CEP63: variants seen among roughly 807,000 people sequenced by gnomAD.
CEP63 encodes centrosomal protein 63.
Under a neutral mutation model 89.1 loss-of-function variants are expected in CEP63, and 84 were observed. The ratio of observed to expected loss-of-function variants is 0.94; its 90% CI spans 0.79 to 1.13. CEP63 has a LOEUF of 1.13. CEP63 is among the 50% of genes most tolerant of loss of function. The probability of loss-of-function intolerance (pLI) is 0.00; values close to 1 mark genes in which losing one functional copy is unlikely to be tolerated. For synonymous variants in CEP63, 267 were observed against 272.5 expected, an observed-to-expected ratio of 0.98 and a Z score of 0.20; for missense variants, 838 against 813.3, an observed-to-expected ratio of 1.03 and a Z score of -0.37.
chr3:134,566,749 A>G (rs746814959), downstream of CEP63, among the ~76,000 whole-genome samples: 3 of 152,060 alleles, frequency 2.0e-5, no homozygotes, highest in Non-Finnish European at 4.4e-5. Context: ...TTACACATCC[A>G]CTATAATAAA....
the CEP63 span, among the ~76,000 whole-genome samples, chr3:134,724,982 G>C: frequency 6.6e-6 from 1 of 152,094 alleles, no homozygotes; most frequent in Admixed American, 6.5e-5. Flanking sequence ...GCAACCAGCT[G>C]ACCTGGAGGA....
chr3:134,734,946 A>C, the CEP63 span, among the ~76,000 whole-genome samples: 1 of 152,176 alleles, frequency 6.6e-6, no homozygotes, highest in Non-Finnish European at 1.5e-5. Flanking sequence ...TATAACACTT[A>C]GCAGGTGTTT....
chr3:134,763,064 A>T, the CEP63 span, among the ~76,000 whole-genome samples: 1 of 151,378 alleles, frequency 6.6e-6, no homozygotes. Flanking sequence ...GTGGCATCAT[A>T]TTTTTTTTTC....
the CEP63 span, among the ~76,000 whole-genome samples, chr3:134,593,555 T>C: frequency 6.6e-6 from 1 of 152,178 alleles, no homozygotes; most frequent in South Asian, 2.1e-4. Context: ...AAACAGGGGC[T>C]GAGCCACAGG....
the CEP63 span, among the ~76,000 whole-genome samples, chr3:134,697,363 G>A: frequency 2.0e-5 from 3 of 152,082 alleles, no homozygotes; most frequent in South Asian, 4.1e-4. Context: ...GGGTGTTTTC[G>A]ATGGCAAGAC....
chr3:134,524,286 C>A (rs1424847794), intron 3 of CEP63, among the ~76,000 whole-genome samples: 1 of 152,160 alleles, frequency 6.6e-6, no homozygotes, highest in Non-Finnish European at 1.5e-5. Context: ...AGCTTTTGGG[C>A]TGAAACTATG....
intron 6 of CEP63, among the ~76,000 whole-genome samples, chr3:134,538,279 A>G (rs1439210770): frequency 6.8e-6 from 1 of 146,010 alleles, no homozygotes; most frequent in Non-Finnish European, 1.5e-5. Flanking sequence ...TCAATAATGC[A>G]TTAACTTTTT....
At chr3:134,737,372 A>T in the CEP63 span, among the ~76,000 whole-genome samples, 1 of 152,216 alleles carries the variant, frequency 6.6e-6, no homozygotes, top group East Asian at 1.9e-4. Flanking sequence ...GCCAGAGAAG[A>T]TACTTGTAAT....
Position 134,546,291 on chromosome 3 carries a change from A to T in CEP63, c.929+3A>T, listed in dbSNP as rs781687192. 6.2e-7 allele frequency: 1 copy of T among 1,612,020 alleles called. No homozygotes were observed. The highest frequency in any genetic ancestry group is 8.5e-7 in the Non-Finnish European group (1 of 1,178,318). The stretch of plus-strand genomic sequence containing the variant: ...CAACATGCTGTAGAAGCTATAAGGT[A>T]AATTTAATCTTAAATATTATTCATC... On this transcript the variant is annotated splice_donor_region_variant and intron_variant, in intron 8 of 14. Transcript: ENST00000675561.
At position 134,558,299 on chromosome 3, in the gene CEP63, T is replaced by G. The variant is rs1309699840; in HGVS notation, c.1625T>G (p.Phe542Cys). The change falls in exon 13 of 15, where the codon TTT becomes TGT. Residue 542 changes from phenylalanine (F) to cysteine (C), a missense_variant. Phe to Cys is a radical substitution (Grantham distance 205). Transcript: ENST00000675561. ...TGCAAAAAACAAAATGACAGGATCT[T>G]TAAACCAACACACAGCAGAACAACT... The part of the protein sequence containing the change: ...QMCKKQNDRI[F>C]KPTHSRTTEF... The G allele has an allele frequency of 6.2e-7, 1 of 1,613,790 alleles. No individual in the cohort carries two copies. The highest frequency in any genetic ancestry group is 1.3e-5 in the African/African-American group (1 of 74,914).
chr3:134,652,463 C>T, the CEP63 span, among the ~76,000 whole-genome samples: 2 of 149,526 alleles, frequency 1.3e-5, no homozygotes, highest in South Asian at 4.3e-4. Flanking sequence ...CACCACCCCA[C>T]CCCCTGACTC....
chr3:134,507,713 TA>T (rs902445129), intron 3 of CEP63, among the ~76,000 whole-genome samples: 1 of 150,356 alleles, frequency 6.7e-6, no homozygotes, highest in African/African-American at 2.4e-5. Context: ...AGAGAATCTT[TA>T]AAAAAAAACA....
In CEP63 at chr3:134,558,325, G is replaced by A. The variant is rs1235623245; in HGVS notation, c.1651G>A (p.Glu551Lys). The A allele has an allele frequency of 1.9e-6, 3 of 1,612,830 alleles. No individual in the cohort carries two copies. The South Asian group carries it at 3.3e-5, about 18-fold the overall frequency. Residue 551 changes from glutamate (E) to lysine (K), a missense_variant, in exon 13 of 15, where the codon GAG becomes AAG. Transcript: ENST00000675561. ...IFKPTHSRTTEFKNTEFKPTH... is the reference protein window; with the variant it reads ...IFKPTHSRTTKFKNTEFKPTH... ...TAAACCAACACACAGCAGAACAACT[G>A]AGTTCAAGAATACAGAGTTCAAGTA...
the CEP63 span, among the ~76,000 whole-genome samples, chr3:134,725,302 AT>A: frequency 7.9e-5 from 12 of 151,236 alleles, no homozygotes; most frequent in African/African-American, 1.5e-4. Context: ...ACAATTTTGT[AT>A]TTTTTTTTAA....
chr3:134,754,405 A>G, the CEP63 span, among the ~76,000 whole-genome samples: 2 of 152,184 alleles, frequency 1.3e-5, no homozygotes, highest in Non-Finnish European at 1.5e-5. Context: ...CATCTTGTCA[A>G]CACAATGGCT....
At chr3:134,751,400 G>C in the CEP63 span, among the ~76,000 whole-genome samples, 5 of 152,154 alleles carry the variant, frequency 3.3e-5, no homozygotes, top group Non-Finnish European at 5.9e-5. Context: ...TATGCCTATA[G>C]GCTAATTTGA....
the CEP63 span, among the ~76,000 whole-genome samples, chr3:134,663,130 C>T: frequency 6.6e-6 from 1 of 152,148 alleles, no homozygotes; most frequent in East Asian, 1.9e-4. Context: ...CTCCATGTGC[C>T]CCAGATACAG....
At chr3:134,627,835 AT>A in the CEP63 span, 331 of 1,601,566 alleles carry the variant, frequency 2.1e-4, no homozygotes, top group African/African-American at 3.8e-3. Flanking sequence ...TATTCCAAAG[AT>A]CAGAAGTATA....
Position 134,561,632 on chromosome 3 carries a change from T to C in CEP63, c.*97T>C. The C allele has an allele frequency of 6.5e-7, 1 of 1,529,066 alleles. No individual in the cohort carries two copies. The highest frequency in any genetic ancestry group is 8.8e-7 in the Non-Finnish European group (1 of 1,139,934). 94.7% of individuals were successfully genotyped at this position (1,529,066 alleles called of 1,614,324 possible). ...TCTTTAAAAACATGAAGAGATAAAATTATAAAAATGATACATCTAAAGCAG... is the reference window on the plus strand; with the variant it reads ...TCTTTAAAAACATGAAGAGATAAAACTATAAAAATGATACATCTAAAGCAG... On this transcript the variant is annotated 3_prime_UTR_variant, in exon 15 of 15. Transcript: ENST00000675561.
Sources: allele counts gnomAD v4.1 joint callset (sites outside exome capture counted in the v4.1 genomes callset), GRCh38; gene constraint gnomAD v4.1.1; transcripts MANE v1.5; gene names NCBI Gene and HGNC (gene_info 2026-07-23, HGNC 2026-07-21).